The following CYB5R4 variants were observed in gnomAD, a reference collection of about 807,000 sequenced individuals.
CYB5R4 encodes N-terminal cytochrome b5 and cytochrome b5 oxidoreductase domain-containing protein.
CYB5R4 carries 55 observed loss-of-function variants against 70.2 expected under a neutral mutation model. The ratio of observed to expected loss-of-function variants is 0.78; its 90% CI spans 0.63 to 0.98. The LOEUF (loss-of-function observed/expected upper bound fraction) is 0.98, where lower values mean the gene tolerates loss of function less well. Among genes scored for constraint, CYB5R4 ranks in the 50% least tolerant of loss-of-function variants. CYB5R4 has a pLI of 0.00. For synonymous variants in CYB5R4, 197 were observed against 199.5 expected (o/e 0.99, Z 0.11); for missense variants, 562 against 612.6 (o/e 0.92, Z 0.87).
chr6:83,921,200 G>A, intron 8 of CYB5R4, 25 bp downstream of exon 8: 1 of 1,445,786 alleles, frequency 6.9e-7, no homozygotes, highest in Non-Finnish European at 9.3e-7. Context: ...ATTATTAATG[G>A]AAAGAGCTCT....
chr6:83,940,578 G>A lies in CYB5R4; in HGVS notation c.1323G>A (p.Glu441=). ...EDDIIWRSQL[E]KLAFKDKRLD... ...ATATAATTTGGAGAAGCCAATTGGA[G>A]AAATTAGCATTTAAAGATAAAAGGT... is the stretch of plus-strand genomic sequence containing the variant. Residue 441 remains glutamate (E), a synonymous_variant, in exon 14 of 16, where the codon GAG becomes GAA. Coordinates refer to ENST00000369681, the MANE Select transcript of CYB5R4 (RefSeq NM_016230.4). 1 of 1,601,542 alleles carries A rather than the reference G, an allele frequency of 6.2e-7. No homozygotes were observed. Among genetic ancestry groups the A allele is most frequent in the South Asian group, 1.1e-5 (1 of 88,120 alleles).
chr6:83,867,500 A>C (rs2099456922), intron 2 of CYB5R4, among the ~76,000 whole-genome samples: 1 of 152,208 alleles, frequency 6.6e-6, no homozygotes. Flanking sequence ...GGAAAGATTA[A>C]TCTGGTGGTA....
chr6:83,908,946 T>A, intron 3 of CYB5R4, 63 bp from the exon 4 acceptor site: 1 of 1,415,440 alleles, frequency 7.1e-7, no homozygotes, highest in East Asian at 2.3e-5. Context: ...TTGCTCGTAC[T>A]AAAATGAGAG....
Position 83,864,271 on chromosome 6 carries a change from A to G in CYB5R4, c.172A>G (p.Thr58Ala), listed in dbSNP as rs1259701640. 1.2e-6 allele frequency: 2 copies of G among 1,613,598 alleles called. No individual in the cohort carries two copies. The highest frequency in any genetic ancestry group is 3.3e-5 in the Admixed American group (2 of 60,004). Residue 58 changes from threonine (T) to alanine (A), a missense_variant, in exon 2 of 16, where the codon ACT (threonine) becomes GCT (alanine). By Grantham distance (58) the Thr-to-Ala change is moderately conservative (BLOSUM62 0). Coordinates refer to ENST00000369681, the MANE Select transcript of CYB5R4 (RefSeq NM_016230.4). ...ATTAAAAGGCAGGTTAATTGAAGTA[A>G]CTGAAGAAGAACTTAAGAAACACAA... ...TGLKGRLIEV[T>A]EEELKKHNKK...
intron 2 of CYB5R4, among the ~76,000 whole-genome samples, chr6:83,876,438 G>A (rs755993292): frequency 6.6e-6 from 1 of 150,532 alleles, no homozygotes; most frequent in South Asian, 2.1e-4. Context: ...TGTTGACATA[G>A]TTATCATTAT....
chr6:83,959,801 T>C (rs766822469), intron 15 of CYB5R4, 23 bp from the exon 16 acceptor site: 8 of 1,585,804 alleles, frequency 5.0e-6, no homozygotes, highest in African/African-American at 1.3e-5. Context: ...CTAAGAAACA[T>C]GTGCTTTTTA....
chr6:83,913,567 T>G (rs2099465028), intron 4 of CYB5R4, among the ~76,000 whole-genome samples: 1 of 152,184 alleles, frequency 6.6e-6, no homozygotes, highest in Admixed American at 6.5e-5. Context: ...TAATTATTAT[T>G]ATTTTGGGAT....
At chr6:83,951,853 C>T (rs139692586) in intron 14 of CYB5R4, among the ~76,000 whole-genome samples, 2,158 of 152,258 alleles carry the variant, frequency 0.014, 50 homozygotes, top group African/African-American at 0.049. Context: ...CTTGAGGAAT[C>T]GCCACACTGT....
At chr6:83,892,927 T>G (rs186397637) in intron 2 of CYB5R4, among the ~76,000 whole-genome samples, 8 of 152,310 alleles carry the variant, frequency 5.3e-5, no homozygotes, top group African/African-American at 1.9e-4. Flanking sequence ...TGGGAGACAA[T>G]TTTCTTTTGC....
rs1337667313 is a variant in CYB5R4 at position 83,962,274 on chromosome 6, T to C, written c.*2396T>C. On this transcript the variant is annotated 3_prime_UTR_variant, in exon 16 of 16. Coordinates refer to ENST00000369681, the MANE Select transcript of CYB5R4 (RefSeq NM_016230.4). ...TGCAGTCCTGATCTCCTAAAATTCA[T>C]TCTCCATTCCAGGGTATTCTAGAAG... The C allele has an allele frequency of 7.2e-5, 11 of 152,186 alleles. No individual in the cohort carries two copies. Among genetic ancestry groups the C allele is most frequent in the Admixed American group, 1.3e-4 (2 of 15,272 alleles). The allele number at this position is 152,186 out of a possible 1,614,324, so 9.4% of individuals were successfully genotyped here.
rs2099474032 is a variant in CYB5R4 at position 83,966,191 on chromosome 6, C to G, written c.*6313C>G. On this transcript the variant is annotated 3_prime_UTR_variant, in exon 16 of 16. Transcript: ENST00000369681. ...AAATGCTAAAATATTCTGAAGTTTA[C>G]TGTGGTTATGGTTGCACATACTTAT... is the stretch of plus-strand genomic sequence containing the variant. The G allele has an allele frequency of 6.6e-6, 1 of 152,068 alleles. No individual in the cohort carries two copies. The highest frequency in any genetic ancestry group is 2.1e-4 in the South Asian group (1 of 4,818). 9.4% of individuals were successfully genotyped at this position (152,068 alleles called of 1,614,324 possible).
intron 14 of CYB5R4, among the ~76,000 whole-genome samples, chr6:83,954,101 G>A (rs2099471959): frequency 6.6e-6 from 1 of 152,086 alleles, no homozygotes; most frequent in Admixed American, 6.6e-5. Context: ...CATGTCTCCA[G>A]CATCTCAAAG....
chr6:83,879,828 C>G (rs1196373319), intron 2 of CYB5R4, among the ~76,000 whole-genome samples: 1 of 152,138 alleles, frequency 6.6e-6, no homozygotes, highest in South Asian at 2.1e-4. Context: ...CAAATTGGCT[C>G]TAGTGCGCAC....
intron 4 of CYB5R4, chr6:83,910,205 T>C: frequency 6.9e-7 from 1 of 1,441,940 alleles, no homozygotes; most frequent in South Asian, 1.3e-5. Flanking sequence ...ATGGGCTGCC[T>C]GCCAGTTGGA....
intron 12 of CYB5R4, among the ~76,000 whole-genome samples, chr6:83,937,773 C>T (rs984876194): frequency 6.6e-6 from 1 of 152,214 alleles, no homozygotes; most frequent in Non-Finnish European, 1.5e-5. Context: ...CCCGCCTTGG[C>T]CTCCCAAAGT....
intron 2 of CYB5R4, among the ~76,000 whole-genome samples, chr6:83,868,189 T>A (rs2099457036): frequency 6.6e-6 from 1 of 152,150 alleles, no homozygotes; most frequent in South Asian, 2.1e-4. Context: ...TTCCCTTTTT[T>A]AAAGTACTAA....
chr6:83,965,719 G>A lies in CYB5R4; in HGVS notation c.*5841G>A, dbSNP rs1194878340. The A allele has an allele frequency of 6.6e-6, 1 of 152,104 alleles. No individual in the cohort carries two copies. The highest frequency in any genetic ancestry group is 6.6e-5 in the Admixed American group (1 of 15,256). The allele number at this position is 152,104 out of a possible 1,614,324, so 9.4% of individuals were successfully genotyped here. On this transcript the variant is annotated 3_prime_UTR_variant, in exon 16 of 16. Transcript: ENST00000369681. ...GCCAGGGGTGGGATGATATGGTTTG[G>A]CTCTGTGTCCCCACCCAAATTTCAT... is the stretch of plus-strand genomic sequence containing the variant.
At chr6:83,943,544 C>G (rs2099470094) in intron 14 of CYB5R4, among the ~76,000 whole-genome samples, 1 of 152,060 alleles carries the variant, frequency 6.6e-6, no homozygotes, top group Non-Finnish European at 1.5e-5. Flanking sequence ...TGCCAACAAC[C>G]AGAATGCCTC....
chr6:83,947,121 A>G (rs559508064), intron 14 of CYB5R4, among the ~76,000 whole-genome samples: 40 of 152,206 alleles, frequency 2.6e-4, no homozygotes, highest in Non-Finnish European at 5.3e-4. Context: ...CAAAAAGAAC[A>G]AAGCTGGAGG....
Sources: allele counts gnomAD v4.1 joint callset (sites outside exome capture counted in the v4.1 genomes callset), GRCh38; gene constraint gnomAD v4.1.1; transcripts MANE v1.5; gene names NCBI Gene and HGNC (gene_info 2026-07-23, HGNC 2026-07-21).